Variants in LIMCH1 observed in about 807,000 individuals in gnomAD.
LIMCH1 encodes the protein LIM and calponin homology domains-containing protein 1.
In LIMCH1, 113 loss-of-function variants were observed where a neutral mutation model predicts 176.5. The ratio of observed to expected loss-of-function variants is 0.64; its 90% confidence interval spans 0.55 to 0.75. The LOEUF (loss-of-function observed/expected upper bound fraction) is 0.75. Among genes scored for constraint, LIMCH1 ranks in the 30% least tolerant of loss-of-function variants. The pLI, the probability that LIMCH1 is intolerant of heterozygous loss-of-function variation, is 0.00. For missense variants in LIMCH1, 1,674 were observed against 1,814.9 expected, an observed-to-expected ratio of 0.92 and a Z score of 1.41; for synonymous variants, 619 against 645.9, an observed-to-expected ratio of 0.96 and a Z score of 0.63.
At chr4:41,581,725 G>A (rs144009767) in intron 1 of LIMCH1, among the ~76,000 whole-genome samples, 2,643 of 142,404 alleles carry the variant, frequency 0.019, 78 homozygotes, top group African/African-American at 0.064. Flanking sequence ...AGAATCGTTT[G>A]AACCTGGGAG....
chr4:41,668,010 A>G (rs1198071996), intron 21 of LIMCH1, among the ~76,000 whole-genome samples: 1 of 152,148 alleles, frequency 6.6e-6, no homozygotes, highest in African/African-American at 2.4e-5. Context: ...TTTTTAAAAA[A>G]AGAAACAGCC....
At chr4:41,646,377 A>G in intron 16 of LIMCH1, 97 bp downstream of exon 16, 1 of 1,503,168 alleles carries the variant, frequency 6.7e-7, no homozygotes, top group Non-Finnish European at 9.0e-7. Flanking sequence ...TGATAGTAAC[A>G]TTTTATATTC....
At chr4:41,364,073 A>G (rs1057404271) in intron 1 of LIMCH1, among the ~76,000 whole-genome samples, 39 of 152,136 alleles carry the variant, frequency 2.6e-4, no homozygotes, top group African/African-American at 8.2e-4. Context: ...CTTTTCCTTT[A>G]CTGTGGTTCC....
At chr4:41,390,887 A>T (rs2057155320) in intron 1 of LIMCH1, among the ~76,000 whole-genome samples, 1 of 152,208 alleles carries the variant, frequency 6.6e-6, no homozygotes, top group Admixed American at 6.5e-5. Context: ...ATTGTCTGAA[A>T]TATAATCAGA....
At chr4:41,569,689 AT>A (rs2083262542) in intron 1 of LIMCH1, among the ~76,000 whole-genome samples, 1 of 152,132 alleles carries the variant, frequency 6.6e-6, no homozygotes, top group Admixed American at 6.5e-5. Flanking sequence ...CTGGAGATGC[AT>A]TGTCAAAGTA....
intron 1 of LIMCH1, among the ~76,000 whole-genome samples, chr4:41,593,684 A>G (rs1181261010): frequency 2.0e-5 from 3 of 152,232 alleles, no homozygotes; most frequent in Non-Finnish European, 4.4e-5. Context: ...AAATCCACCC[A>G]ATGCCTGCTT....
intron 14 of LIMCH1, among the ~76,000 whole-genome samples, chr4:41,642,103 T>C (rs1387130210): frequency 6.6e-6 from 1 of 152,016 alleles, no homozygotes; most frequent in African/African-American, 2.4e-5. Context: ...TGGCCACCCA[T>C]AGTGGCCTAA....
At chr4:41,542,203 T>G (rs2152478328) in intron 1 of LIMCH1, among the ~76,000 whole-genome samples, 1 of 152,252 alleles carries the variant, frequency 6.6e-6, no homozygotes, top group African/African-American at 2.4e-5. Flanking sequence ...CCGTTTCAGG[T>G]TTTCATTCCA....
intron 1 of LIMCH1, among the ~76,000 whole-genome samples, chr4:41,400,117 C>T (rs1443007542): frequency 6.6e-6 from 1 of 151,702 alleles, no homozygotes; most frequent in Non-Finnish European, 1.5e-5. Context: ...CAAGACTGTG[C>T]CCCTAACGGC....
intron 7 of LIMCH1, among the ~76,000 whole-genome samples, chr4:41,625,634 AT>A (rs1048106419): frequency 6.6e-6 from 1 of 152,028 alleles, no homozygotes; most frequent in East Asian, 1.9e-4. Flanking sequence ...TTTTTTATAT[AT>A]TTTTTTAAGT....
chr4:41,682,458 C>A lies in LIMCH1; in HGVS notation c.3843C>A (p.Gly1281=). 1.2e-6 allele frequency: 2 copies of A among 1,612,210 alleles called. No homozygotes were observed. The highest frequency in any genetic ancestry group is 4.5e-5 in the East Asian group (2 of 44,770). ...AAAGTGATCGACTGGAGGAGAAGGG[C>A]AGGTATGAGCCCATCCCAAGCCACC... is the stretch of plus-strand genomic sequence containing the variant. ...TRESDRLEEK[G]SLTEGALAHS... Residue 1281 remains glycine (G), a splice_region_variant and synonymous_variant, in exon 26 of 32, where the codon GGC becomes GGA. Coordinates refer to ENST00000503057, the MANE Select transcript of LIMCH1 (RefSeq NM_001330672.2).
At chr4:41,620,306 G>A (rs2152822464) in intron 6 of LIMCH1, 118 bp from the exon 7 acceptor site, 3 of 987,260 alleles carry the variant, frequency 3.0e-6, no homozygotes, top group Non-Finnish European at 2.9e-6. Context: ...ATTATATTGT[G>A]TGCTATGACT....
chr4:41,683,829 G>A (rs775814336), intron 26 of LIMCH1, among the ~76,000 whole-genome samples: 46 of 152,216 alleles, frequency 3.0e-4, no homozygotes, highest in Non-Finnish European at 7.3e-5. Context: ...TCTGAATGAT[G>A]CTGATAAGCT....
At chr4:41,530,480 G>T (rs998436964) in intron 3 of LIMCH1, among the ~76,000 whole-genome samples, 5 of 152,080 alleles carry the variant, frequency 3.3e-5, no homozygotes, top group African/African-American at 7.2e-5. Context: ...TTAAAGTTCT[G>T]TTCTCCGGGC....
chr4:41,682,115 T>G (rs1230016283), intron 25 of LIMCH1, among the ~76,000 whole-genome samples: 1 of 152,230 alleles, frequency 6.6e-6, no homozygotes, highest in African/African-American at 2.4e-5. Context: ...AGGGGTTTTC[T>G]AATCAATTCC....
chr4:41,430,495 C>G (rs942003819), intron 1 of LIMCH1, among the ~76,000 whole-genome samples: 3 of 152,204 alleles, frequency 2.0e-5, no homozygotes, highest in African/African-American at 7.2e-5. Context: ...ATCTCCTGAC[C>G]TCAAGATCTG....
intron 3 of LIMCH1, among the ~76,000 whole-genome samples, chr4:41,532,553 C>T (rs925474198): frequency 6.6e-6 from 1 of 152,194 alleles, no homozygotes; most frequent in Non-Finnish European, 1.5e-5. Context: ...TTGACCACAT[C>T]GTGAATACAG....
At chr4:41,498,279 A>G (rs2072580013) in intron 2 of LIMCH1, among the ~76,000 whole-genome samples, 1 of 152,238 alleles carries the variant, frequency 6.6e-6, no homozygotes, top group South Asian at 2.1e-4. Context: ...TACAGCATGT[A>G]CGATGGAAAT....
At chr4:41,474,618 A>C (rs566610647) in intron 1 of LIMCH1, among the ~76,000 whole-genome samples, 13 of 152,226 alleles carry the variant, frequency 8.5e-5, no homozygotes, top group Non-Finnish European at 1.3e-4. Context: ...ATAAAACCAC[A>C]ATGAGATATC....
Sources: gnomAD v4.1 joint callset for allele counts (sites outside exome capture counted in the v4.1 genomes callset) on GRCh38, gnomAD v4.1.1 for gene constraint, MANE v1.5 for transcripts, NCBI Gene and HGNC (gene_info 2026-07-23, HGNC 2026-07-21) for gene names.